ADAMTS17: variants seen among roughly 807,000 people sequenced by gnomAD.
ADAMTS17 encodes ADAM metallopeptidase with thrombospondin type 1 motif 17.
ADAMTS17 carries 113 observed loss-of-function variants against 141.5 expected under a neutral mutation model. The ratio of observed to expected loss-of-function variants is 0.80; its 90% CI spans 0.69 to 0.93. The LOEUF is 0.93. ADAMTS17 is among the 40% of genes least tolerant of loss of function. The pLI is 0.00. For missense variants in ADAMTS17, 1,659 were observed against 1,517.9 expected, an observed-to-expected ratio of 1.09 and a Z score of -1.54; for synonymous variants, 768 against 630.6, an observed-to-expected ratio of 1.22 and a Z score of -3.27.
chr15:100,263,189 A>G (rs1231650869), intron 4 of ADAMTS17, among the ~76,000 whole-genome samples: 3 of 152,176 alleles, frequency 2.0e-5, no homozygotes, highest in African/African-American at 7.2e-5. Flanking sequence ...GGGGAGACAG[A>G]TGCCTGCTGC....
intron 10 of ADAMTS17, among the ~76,000 whole-genome samples, chr15:100,149,395 T>A (rs2039059133): frequency 6.6e-6 from 1 of 152,242 alleles, no homozygotes; most frequent in African/African-American, 2.4e-5. Context: ...TTTTAAAGTT[T>A]AACTTCCTCG....
chr15:99,997,714 C>A lies in ADAMTS17; in HGVS notation c.2592-125G>T. 1.7e-6 allele frequency: 2 copies of A among 1,194,994 alleles called. No homozygotes were observed. Among genetic ancestry groups the A allele is most frequent in the Non-Finnish European group, 2.4e-6 (2 of 827,220 alleles). 74.0% of individuals were successfully genotyped at this position (1,194,994 alleles called of 1,614,324 possible). Reference sequence around the variant, plus strand: ...GAGAGAGGGAGGCAGACTCAGGAAGCTTTTCAGCCAACCCTGGACATAACT... The same window carrying A: ...GAGAGAGGGAGGCAGACTCAGGAAGATTTTCAGCCAACCCTGGACATAACT... On this transcript the variant is annotated intron_variant, in intron 18 of 21. Transcript: ENST00000268070. This position sits in a 1 kb window ranked among gnomAD's most constrained non-coding sequence, Gnocchi z 4.7.
chr15:100,206,825 C>G (rs1275883732), intron 7 of ADAMTS17, among the ~76,000 whole-genome samples: 2 of 152,182 alleles, frequency 1.3e-5, no homozygotes, highest in Non-Finnish European at 2.9e-5. Flanking sequence ...CTCAGCCTTC[C>G]CAAGGCAGCT....
At chr15:100,256,421 TG>T (rs2043328591) in intron 6 of ADAMTS17, 2 of 152,238 alleles carry the variant, frequency 1.3e-5, no homozygotes, top group South Asian at 4.1e-4. Flanking sequence ...GGCATACAGT[TG>T]GGACTTAATA....
At chr15:100,160,098 T>A (rs1030435310) in intron 8 of ADAMTS17, among the ~76,000 whole-genome samples, 1 of 152,102 alleles carries the variant, frequency 6.6e-6, no homozygotes, top group Non-Finnish European at 1.5e-5. Flanking sequence ...TGTCAAACGT[T>A]ACAAAATTTG....
At chr15:100,136,878 CT>C (rs1475733242) in intron 10 of ADAMTS17, among the ~76,000 whole-genome samples, 1 of 152,208 alleles carries the variant, frequency 6.6e-6, no homozygotes, top group African/African-American at 2.4e-5. Flanking sequence ...CCAGAACACT[CT>C]TTGGGTAGCC....
At chr15:100,071,666 T>A (rs2033981108) in intron 15 of ADAMTS17, among the ~76,000 whole-genome samples, 2 of 150,444 alleles carry the variant, frequency 1.3e-5, no homozygotes, top group Admixed American at 6.6e-5. Context: ...ACCACATGAT[T>A]ATCTCAATAG....
At chr15:100,262,478 A>G (rs756569170) in intron 4 of ADAMTS17, 43 bp from the exon 5 acceptor site, 1 of 1,533,430 alleles carries the variant, frequency 6.5e-7, no homozygotes, top group Non-Finnish European at 8.9e-7. Flanking sequence ...AAGATAAAAA[A>G]TTTTAAAAAT....
At chr15:100,166,224 A>G (rs2039946185) in intron 8 of ADAMTS17, among the ~76,000 whole-genome samples, 1 of 152,138 alleles carries the variant, frequency 6.6e-6, no homozygotes, top group Non-Finnish European at 1.5e-5. Context: ...TTCTATTGTA[A>G]TGATTGCTTG....
At chr15:100,173,800 T>A (rs2040242458) in intron 8 of ADAMTS17, among the ~76,000 whole-genome samples, 1 of 152,016 alleles carries the variant, frequency 6.6e-6, no homozygotes, top group Admixed American at 6.6e-5. Flanking sequence ...CAAACACCAA[T>A]ATCAGGGGCC....
At chr15:100,145,518 C>G (rs140964269) in intron 10 of ADAMTS17, among the ~76,000 whole-genome samples, 7 of 152,178 alleles carry the variant, frequency 4.6e-5, no homozygotes, top group African/African-American at 1.7e-4. Context: ...TAAGATGTCA[C>G]GACACCACTG....
At chr15:100,300,435 C>A (rs561240144) in intron 3 of ADAMTS17, among the ~76,000 whole-genome samples, 1 of 152,342 alleles carries the variant, frequency 6.6e-6, no homozygotes, top group African/African-American at 2.4e-5. Flanking sequence ...GAGCCATGGT[C>A]CTTCTGACCC....
intron 13 of ADAMTS17, among the ~76,000 whole-genome samples, chr15:100,114,974 C>G (rs2037022074): frequency 6.6e-6 from 1 of 152,250 alleles, no homozygotes; most frequent in African/African-American, 2.4e-5. Flanking sequence ...AAAACTGAAG[C>G]AGGCAACCAA....
At chr15:100,058,695 T>C (rs1596318280) in intron 15 of ADAMTS17, among the ~76,000 whole-genome samples, 1 of 151,906 alleles carries the variant, frequency 6.6e-6, no homozygotes, top group Non-Finnish European at 1.5e-5. Flanking sequence ...CAGCACGAGG[T>C]GGAGATAGAG....
intron 17 of ADAMTS17, 68 bp from the exon 18 acceptor site, chr15:100,049,060 G>GC: frequency 6.2e-7 from 1 of 1,611,592 alleles, no homozygotes; most frequent in South Asian, 1.1e-5. Flanking sequence ...GGGCTTGCAT[G>GC]CCCATGAAAG....
intron 11 of ADAMTS17, among the ~76,000 whole-genome samples, chr15:100,132,839 AT>A (rs1260007430): frequency 2.0e-5 from 3 of 152,156 alleles, no homozygotes; most frequent in Non-Finnish European, 2.9e-5. Context: ...TTCTCTCAAC[AT>A]TTAGCTAGAA....
intron 10 of ADAMTS17, among the ~76,000 whole-genome samples, chr15:100,148,951 G>A (rs1307765843): frequency 6.6e-6 from 1 of 152,178 alleles, no homozygotes; most frequent in South Asian, 2.1e-4. Context: ...GGTCCGAGAA[G>A]AAAAGGAAAA....
At chr15:100,304,350 C>CT (rs2045148341) in intron 3 of ADAMTS17, among the ~76,000 whole-genome samples, 1 of 152,186 alleles carries the variant, frequency 6.6e-6, no homozygotes, top group African/African-American at 2.4e-5. Flanking sequence ...CCCGTTTTGT[C>CT]TGTTTGAATG....
intron 3 of ADAMTS17, among the ~76,000 whole-genome samples, chr15:100,301,491 A>ATTTT (rs55686011): frequency 5.3e-5 from 7 of 133,318 alleles, no homozygotes; most frequent in East Asian, 4.3e-4. Context: ...CACCGGGCTA[A>ATTTT]TTTTTTTTTT....
Sources: gnomAD v4.1 joint callset for allele counts (sites outside exome capture counted in the v4.1 genomes callset) on GRCh38, gnomAD v4.1.1 for gene constraint, Gnocchi (gnomAD v3.1) non-coding constraint, MANE v1.5 for transcripts, NCBI Gene and HGNC (gene_info 2026-07-23, HGNC 2026-07-21) for gene names.